EIF4G3: variants seen among roughly 807,000 people sequenced by gnomAD.
EIF4G3 encodes eukaryotic translation initiation factor 4 gamma 3.
Under a neutral mutation model 186.4 loss-of-function variants are expected in EIF4G3, and 34 were observed. The ratio of observed to expected loss-of-function variants is 0.18; its 90% confidence interval spans 0.14 to 0.24. The LOEUF is 0.24. Among genes scored for constraint, EIF4G3 ranks in the 10% least tolerant of loss-of-function variants. EIF4G3 has a pLI of 1.00. For synonymous variants in EIF4G3, 673 were observed against 679.5 expected (o/e 0.99, Z 0.15); for missense variants, 1,536 against 1,948.5 (o/e 0.79, Z 3.99).
chr1:20,866,732 T>C (rs183920621), intron 20 of EIF4G3, among the ~76,000 whole-genome samples: 117 of 152,260 alleles, frequency 7.7e-4, no homozygotes, highest in African/African-American at 2.5e-3. Flanking sequence ...CAAAAGCAGG[T>C]TGGCATACAA....
chr1:20,818,319 T>C (rs1276227605), intron 33 of EIF4G3, among the ~76,000 whole-genome samples: 2 of 152,188 alleles, frequency 1.3e-5, no homozygotes, highest in Non-Finnish European at 2.9e-5. Flanking sequence ...TATAATTGTT[T>C]AGCACTTAGA....
intron 21 of EIF4G3, among the ~76,000 whole-genome samples, 186 bp downstream of exon 21, chr1:20,864,930 C>T (rs2077225961): frequency 6.6e-6 from 1 of 152,068 alleles, no homozygotes; most frequent in African/African-American, 2.4e-5. Context: ...ATTTAGCTGT[C>T]CCCTATATTA....
intron 14 of EIF4G3, among the ~76,000 whole-genome samples, chr1:20,925,669 G>A (rs1558267025): frequency 6.6e-6 from 1 of 152,104 alleles, no homozygotes; most frequent in South Asian, 2.1e-4. Flanking sequence ...GAGTATCTGC[G>A]ACTACAGGCA....
chr1:21,092,183 TGA>T (rs562977513), intron 2 of EIF4G3, among the ~76,000 whole-genome samples: 167 of 152,314 alleles, frequency 1.1e-3, no homozygotes, highest in African/African-American at 3.9e-3. Context: ...CCTAATTTAT[TGA>T]GAGTTTTTAG....
intron 3 of EIF4G3, among the ~76,000 whole-genome samples, chr1:21,057,901 TA>T (rs2094641633): frequency 6.6e-6 from 1 of 152,180 alleles, no homozygotes. Context: ...CACCAAAAAA[TA>T]ATCTCCTATA....
At chr1:20,986,067 A>G (rs2079398860) in intron 7 of EIF4G3, among the ~76,000 whole-genome samples, 1 of 152,156 alleles carries the variant, frequency 6.6e-6, no homozygotes, top group Non-Finnish European at 1.5e-5. Context: ...TTTCAAGTCA[A>G]TCATAACCCT....
At chr1:21,007,575 G>A (rs1166809524) in intron 4 of EIF4G3, among the ~76,000 whole-genome samples, 3 of 78,876 alleles carry the variant, frequency 3.8e-5, no homozygotes, top group African/African-American at 7.9e-5. Flanking sequence ...TATTCTAAAT[G>A]TCTATATATA....
At chr1:21,039,815 C>T (rs577092576) in intron 4 of EIF4G3, among the ~76,000 whole-genome samples, 36 of 152,198 alleles carry the variant, frequency 2.4e-4, no homozygotes, top group African/African-American at 8.4e-4. Context: ...TCAACAACAA[C>T]GAAAGAAGCA....
intron 4 of EIF4G3, among the ~76,000 whole-genome samples, 152 bp downstream of exon 4, chr1:21,050,711 TTTA>T (rs1249576885): frequency 8.5e-5 from 13 of 152,388 alleles, no homozygotes; most frequent in African/African-American, 2.9e-4. Flanking sequence ...AGTAGCCATC[TTTA>T]TGAACGGTTA....
intron 20 of EIF4G3, among the ~76,000 whole-genome samples, chr1:20,866,097 TTTCTGGGATGACA>T (rs2077504380): frequency 1.3e-5 from 2 of 152,194 alleles, no homozygotes; most frequent in Non-Finnish European, 2.9e-5. Context: ...TACAACAGTT[TTTCTGGGATGACA>T]AAGTGGCTCC....
intron 11 of EIF4G3, among the ~76,000 whole-genome samples, chr1:20,972,300 T>A (rs1272106844): frequency 1.3e-5 from 2 of 152,204 alleles, no homozygotes; most frequent in Non-Finnish European, 2.9e-5. Flanking sequence ...TTGTGCTATT[T>A]TTTTCTTCTG....
In EIF4G3 at chr1:20,990,304, T is replaced by C. The variant is rs548938035; in HGVS notation, c.177+7297A>G. Among the ~76,000 whole-genome samples, 19 of 152,326 alleles carry C rather than the reference T, an allele frequency of 1.2e-4. No individual in the cohort carries two copies. In the South Asian group the frequency reaches 1.4e-3, roughly 12 times the overall value. On this transcript the variant is annotated intron_variant, in intron 7 of 36. Transcript: ENST00000602326. ...CCTGATCAGTCAGCACCCATCTACATTGAAGACACTTCACCAGCAAAAAGA... is the reference window on the plus strand; with the variant it reads ...CCTGATCAGTCAGCACCCATCTACACTGAAGACACTTCACCAGCAAAAAGA...
intron 2 of EIF4G3, among the ~76,000 whole-genome samples, chr1:21,135,810 G>C (rs997807379): frequency 6.6e-6 from 1 of 152,188 alleles, no homozygotes; most frequent in African/African-American, 2.4e-5. Context: ...AGAGCTCCCT[G>C]TTATCAACAG....
rs565907042 is a variant in EIF4G3, at chr1:21,040,332, A to G, written c.-67+10534T>C. 4.6e-5 allele frequency among the ~76,000 whole-genome samples: 7 copies of G among 152,360 alleles called. No individual in the cohort carries two copies. The East Asian group carries it at 7.7e-4, about 17-fold the overall frequency. ...GAAGTTGCTGGAGGGTGGTGCACCA[A>G]GGAAGGGCAGAGAAGCTCTGTGCCC... On this transcript the variant is annotated intron_variant, in intron 4 of 36. Transcript: ENST00000602326.
chr1:20,841,732 G>A (rs528420660), intron 29 of EIF4G3, among the ~76,000 whole-genome samples: 31 of 152,246 alleles, frequency 2.0e-4, no homozygotes, highest in Admixed American at 1.2e-3. Context: ...GGTGAAAGTC[G>A]GTCAGCCAGA....
chr1:20,923,809 C>CTATATATATATA (rs10587649), intron 14 of EIF4G3, among the ~76,000 whole-genome samples: 38 of 143,914 alleles, frequency 2.6e-4, no homozygotes, highest in East Asian at 4.1e-4. Flanking sequence ...TTACCCATCC[C>CTATATATATATA]TATATATATA....
intron 2 of EIF4G3, among the ~76,000 whole-genome samples, chr1:21,156,111 G>A (rs2097655116): frequency 7.0e-6 from 1 of 142,510 alleles, no homozygotes; most frequent in South Asian, 2.2e-4. Flanking sequence ...TGGGCAACAA[G>A]AGCGAAACTC....
intron 7 of EIF4G3, among the ~76,000 whole-genome samples, chr1:20,983,369 GA>G (rs2078715489): frequency 6.6e-6 from 1 of 152,086 alleles, no homozygotes; most frequent in African/African-American, 2.4e-5. Context: ...ACAACTACAG[GA>G]ACCATCTTCT....
intron 10 of EIF4G3, among the ~76,000 whole-genome samples, chr1:20,973,333 T>G (rs1475926157): frequency 6.6e-6 from 1 of 151,684 alleles, no homozygotes; most frequent in Admixed American, 6.6e-5. Context: ...TGAAAACCAC[T>G]AAATACTCGG....
Sources: allele counts gnomAD v4.1 joint callset (sites outside exome capture counted in the v4.1 genomes callset), GRCh38; gene constraint gnomAD v4.1.1; transcripts MANE v1.5; gene names NCBI Gene and HGNC (gene_info 2026-07-23, HGNC 2026-07-21).